Variants in WDPCP observed in about 807,000 individuals in gnomAD.
The protein encoded by WDPCP is WD repeat containing planar cell polarity effector.
WDPCP carries 71 observed loss-of-function variants against 93.1 expected under a neutral mutation model. That is an observed-to-expected ratio of 0.76 (90% confidence interval 0.63 to 0.93). WDPCP has a LOEUF of 0.93. WDPCP is among the 40% of genes least tolerant of loss of function. The probability of loss-of-function intolerance (pLI) is 0.00; values close to 1 mark genes in which losing one functional copy is unlikely to be tolerated. For missense variants in WDPCP, 844 were observed against 887.4 expected, an observed-to-expected ratio of 0.95 and a Z score of 0.62; for synonymous variants, 315 against 315.0, an observed-to-expected ratio of 1.00 and a Z score of 0.00.
intron 6 of WDPCP, among the ~76,000 whole-genome samples, chr2:63,476,623 T>A (rs997102918): frequency 4.6e-5 from 7 of 152,188 alleles, no homozygotes; most frequent in African/African-American, 1.7e-4. Context: ...ACCCAGTCCA[T>A]GCCTTATATT....
chr2:63,786,600 T>C (rs1670469575), intron 2 of WDPCP, among the ~76,000 whole-genome samples: 1 of 152,210 alleles, frequency 6.6e-6, no homozygotes, highest in Admixed American at 6.6e-5. Context: ...AGTGTCAGCC[T>C]CTCACTTTGT....
intron 2 of WDPCP, among the ~76,000 whole-genome samples, chr2:63,750,451 T>A (rs1669863256): frequency 6.6e-6 from 1 of 152,000 alleles, no homozygotes. Context: ...AAAACCTGAA[T>A]ACAGAGATAG....
At chr2:63,837,135 TCATTAACAGGGTG>T in the WDPCP span, among the ~76,000 whole-genome samples, 1 of 152,250 alleles carries the variant, frequency 6.6e-6, no homozygotes, top group African/African-American at 2.4e-5. Context: ...ACTTCCTGGT[TCATTAACAGGGTG>T]TTGGCAACAG....
chr2:63,135,333 G>A (rs13027594), intron 17 of WDPCP, among the ~76,000 whole-genome samples: 56,238 of 152,022 alleles, frequency 0.37, 10,792 homozygotes, highest in Middle Eastern at 0.52. Flanking sequence ...TTCAAATGTC[G>A]TTATTTCTTT....
chr2:63,315,167 T>C (rs1259229421), intron 12 of WDPCP, among the ~76,000 whole-genome samples: 1 of 152,114 alleles, frequency 6.6e-6, no homozygotes, highest in Non-Finnish European at 1.5e-5. Flanking sequence ...ACAAAATCCC[T>C]TGATAGAAAT....
chr2:63,807,411 G>C (rs1254586627), intron 2 of WDPCP, among the ~76,000 whole-genome samples: 1 of 152,148 alleles, frequency 6.6e-6, no homozygotes, highest in Non-Finnish European at 1.5e-5. Context: ...CTCTTGCCAT[G>C]TGATGTGCCT....
At chr2:63,448,457 C>T (rs1698010309) in intron 6 of WDPCP, among the ~76,000 whole-genome samples, 1 of 151,986 alleles carries the variant, frequency 6.6e-6, no homozygotes, top group African/African-American at 2.4e-5. Context: ...CACACACACA[C>T]ACACACACAC....
chr2:63,584,733 G>A (rs1462435492), intron 1 of WDPCP, among the ~76,000 whole-genome samples: 1 of 152,056 alleles, frequency 6.6e-6, no homozygotes, highest in African/African-American at 2.4e-5. Flanking sequence ...TGATCACTCT[G>A]TGTTATTAGC....
intron 3 of WDPCP, among the ~76,000 whole-genome samples, chr2:63,625,413 G>A (rs1019982412): frequency 6.6e-6 from 1 of 152,296 alleles, no homozygotes; most frequent in East Asian, 1.9e-4. Context: ...TAACATCATT[G>A]TATATTTAGA....
intron 1 of WDPCP, among the ~76,000 whole-genome samples, chr2:63,575,312 G>A (rs1393572112): frequency 7.1e-6 from 1 of 141,226 alleles, no homozygotes; most frequent in Non-Finnish European, 1.5e-5. Context: ...TATATAGTAT[G>A]TACATATATA....
chr2:63,571,940 T>C (rs1707537236), intron 1 of WDPCP, among the ~76,000 whole-genome samples: 1 of 152,206 alleles, frequency 6.6e-6, no homozygotes, highest in African/African-American at 2.4e-5. Context: ...CCCAGACACA[T>C]AATCATGTAC....
At chr2:63,361,662 A>T (rs1263836808) in intron 12 of WDPCP, among the ~76,000 whole-genome samples, 1 of 152,186 alleles carries the variant, frequency 6.6e-6, no homozygotes, top group Non-Finnish European at 1.5e-5. Flanking sequence ...TGTTGGTAGC[A>T]CATGACCTGC....
chr2:63,171,296 A>G (rs779724187), intron 15 of WDPCP, among the ~76,000 whole-genome samples: 2 of 152,238 alleles, frequency 1.3e-5, no homozygotes, highest in Non-Finnish European at 2.9e-5. Flanking sequence ...ATACTTGCAC[A>G]TCAGGTATTT....
intron 15 of WDPCP, among the ~76,000 whole-genome samples, chr2:63,172,003 G>GAGAC (rs1180710672): frequency 1.3e-5 from 2 of 152,170 alleles, no homozygotes; most frequent in Non-Finnish European, 2.9e-5. Flanking sequence ...AATTTCTCTA[G>GAGAC]AGACAGAAAG....
chr2:63,147,094 C>A (rs1025427343), intron 17 of WDPCP, among the ~76,000 whole-genome samples: 4 of 152,170 alleles, frequency 2.6e-5, no homozygotes, highest in African/African-American at 9.7e-5. Flanking sequence ...GTAACTCAGA[C>A]TCTTTGAGGT....
intron 17 of WDPCP, 135 bp downstream of exon 17, chr2:63,152,779 A>C: frequency 1.3e-6 from 1 of 751,326 alleles, no homozygotes; most frequent in Non-Finnish European, 2.3e-6. Context: ...GTTAATATAG[A>C]CCAGTTAATC....
intron 14 of WDPCP, among the ~76,000 whole-genome samples, chr2:63,208,982 T>C (rs62177774): frequency 0.2 from 30,929 of 152,166 alleles, 3,967 homozygotes; most frequent in Non-Finnish European, 0.3. Context: ...TGGCCCTGGC[T>C]CTGGCAAGGG....
intron 1 of WDPCP, among the ~76,000 whole-genome samples, chr2:63,515,430 A>G (rs1014495005): frequency 1.3e-5 from 2 of 152,200 alleles, no homozygotes; most frequent in African/African-American, 2.4e-5. Flanking sequence ...TCTATTAAAG[A>G]TGCTCAATAA....
At chr2:63,248,399 T>G (rs963997314) in intron 14 of WDPCP, among the ~76,000 whole-genome samples, 1 of 152,214 alleles carries the variant, frequency 6.6e-6, no homozygotes, top group African/African-American at 2.4e-5. Flanking sequence ...AATTTGATTA[T>G]AAGGTATCCT....
Sources: gnomAD v4.1 joint callset for allele counts (sites outside exome capture counted in the v4.1 genomes callset) on GRCh38, gnomAD v4.1.1 for gene constraint, MANE v1.5 for transcripts, NCBI Gene and HGNC (gene_info 2026-07-23, HGNC 2026-07-21) for gene names.